WDR7: variants seen among roughly 807,000 people sequenced by gnomAD.
The protein encoded by WDR7 is WD repeat-containing protein 7.
Under a neutral mutation model 169.4 loss-of-function variants are expected in WDR7, and 46 were observed. The observed-to-expected ratio is 0.27, with a 90% CI of 0.21 to 0.35. The LOEUF is 0.35. Ranked by LOEUF, WDR7 falls within the 10% of genes least tolerant of loss-of-function variation. The probability of loss-of-function intolerance (pLI) is 1.00; values close to 1 mark genes in which losing one functional copy is unlikely to be tolerated. For synonymous variants in WDR7, 612 were observed against 666.8 expected, an observed-to-expected ratio of 0.92 and a Z score of 1.27; for missense variants, 1,534 against 1,859.3, an observed-to-expected ratio of 0.83 and a Z score of 3.22.
chr18:56,970,613 A>G (rs2047470560), intron 26 of WDR7, among the ~76,000 whole-genome samples: 1 of 152,136 alleles, frequency 6.6e-6, no homozygotes, highest in Non-Finnish European at 1.5e-5. Flanking sequence ...AGCCTCACCC[A>G]TGATCAGCAT....
chr18:56,943,565 A>G (rs1185553643), intron 25 of WDR7, among the ~76,000 whole-genome samples: 3 of 152,188 alleles, frequency 2.0e-5, no homozygotes, highest in East Asian at 3.8e-4. Context: ...TTATTTTTCC[A>G]TGGATCTCTC....
intron 17 of WDR7, among the ~76,000 whole-genome samples, chr18:56,779,020 C>G (rs536543985): frequency 6.6e-6 from 1 of 152,088 alleles, no homozygotes; most frequent in Non-Finnish European, 1.5e-5. Flanking sequence ...GTGACATGAA[C>G]CTATTTTTGG....
At chr18:56,980,347 C>T (rs567760739) in intron 26 of WDR7, among the ~76,000 whole-genome samples, 39 of 152,258 alleles carry the variant, frequency 2.6e-4, no homozygotes, top group African/African-American at 4.3e-4. Flanking sequence ...GCATACCAGA[C>T]GCTCTGGCAG....
chr18:56,934,747 A>T (rs2046935140), intron 22 of WDR7, among the ~76,000 whole-genome samples: 1 of 152,178 alleles, frequency 6.6e-6, no homozygotes, highest in African/African-American at 2.4e-5. Context: ...ACTTTTTGAG[A>T]ATTTTCAGTA....
chr18:57,016,440 G>GA (rs1049842509), intron 26 of WDR7, among the ~76,000 whole-genome samples: 14 of 150,352 alleles, frequency 9.3e-5, no homozygotes, highest in Admixed American at 2.6e-4. Context: ...CCCCCTTAAA[G>GA]AAAAAAAAAT....
chr18:56,821,818 T>TA (rs1457277429), intron 20 of WDR7, among the ~76,000 whole-genome samples: 1 of 151,488 alleles, frequency 6.6e-6, no homozygotes, highest in Non-Finnish European at 1.5e-5. Flanking sequence ...AACAGGGAGA[T>TA]ACCCTATCTC....
intron 19 of WDR7, among the ~76,000 whole-genome samples, chr18:56,802,436 CA>C: frequency 6.6e-6 from 1 of 151,960 alleles, no homozygotes; most frequent in Non-Finnish European, 1.5e-5. Flanking sequence ...CGACTCACTG[CA>C]AGCTCTGCCT....
chr18:56,854,759 A>C (rs977390446), intron 20 of WDR7, among the ~76,000 whole-genome samples: 11 of 152,202 alleles, frequency 7.2e-5, no homozygotes, highest in African/African-American at 2.4e-4. Flanking sequence ...GAATTTTTTC[A>C]TGACCAGCTC....
chr18:56,655,958 A>G (rs142437048), intron 1 of WDR7, among the ~76,000 whole-genome samples: 37 of 152,306 alleles, frequency 2.4e-4, no homozygotes, highest in African/African-American at 8.9e-4. Flanking sequence ...GTAGTATTCC[A>G]TGGTACGTAT....
At chr18:56,878,512 A>T (rs1599122785) in intron 20 of WDR7, among the ~76,000 whole-genome samples, 1 of 152,290 alleles carries the variant, frequency 6.6e-6, no homozygotes, top group Non-Finnish European at 1.5e-5. Flanking sequence ...TGTTAAATTA[A>T]TGGGCACATT....
intron 1 of WDR7, among the ~76,000 whole-genome samples, chr18:56,659,185 GA>G (rs550851334): frequency 0.056 from 1,222 of 21,878 alleles, 29 homozygotes; most frequent in African/African-American, 0.059. Flanking sequence ...TGTAGCTGGG[GA>G]AAAAAACAAT....
At chr18:56,881,389 A>T (rs1203048279) in intron 21 of WDR7, among the ~76,000 whole-genome samples, 3 of 152,036 alleles carry the variant, frequency 2.0e-5, no homozygotes, top group African/African-American at 7.2e-5. Context: ...TGTAAAGTGG[A>T]TCCCTCTTAT....
At position 56,681,321 on chromosome 18, in the gene WDR7, G is replaced by A. The variant is rs749978084; in HGVS notation, c.275G>A (p.Cys92Tyr). 11 of 1,592,778 alleles carry A rather than the reference G, an allele frequency of 6.9e-6. No homozygotes were observed. The highest frequency in any genetic ancestry group is 1.7e-4 in the Middle Eastern group (1 of 6,034). The change falls in exon 4 of 28, where the codon TGC becomes TAC. Residue 92 changes from cysteine (C) to tyrosine (Y), a missense_variant. Coordinates refer to ENST00000254442, the MANE Select transcript of WDR7 (RefSeq NM_015285.3). ...IVSASESGEM[C>Y]LWDVSDGRCI... ...ATTATTTTGTTTTATAGAGAGATGT[G>A]CCTCTGGGATGTGAGTGATGGCAGA... is the stretch of plus-strand genomic sequence containing the variant.
At position 56,857,186 on chromosome 18, in the gene WDR7, G is replaced by A. The variant is rs79589361; in HGVS notation, c.3305-22758G>A. Among the ~76,000 whole-genome samples the A allele has an allele frequency of 8.8e-3, 1,339 of 152,258 alleles. 24 individuals are homozygous for A. The highest frequency in any genetic ancestry group is 0.029 in the African/African-American group (1,212 of 41,532). On this transcript the variant is annotated intron_variant, in intron 20 of 27. Coordinates refer to ENST00000254442, the MANE Select transcript of WDR7 (RefSeq NM_015285.3). ...TAGAGTGGAAGGAAAGTAATAAATA[G>A]TGGTTTCTGATATAGTATTCTTCCT...
chr18:56,678,908 C>T, intron 2 of WDR7, among the ~76,000 whole-genome samples: 1 of 152,178 alleles, frequency 6.6e-6, no homozygotes, highest in East Asian at 1.9e-4. Context: ...CATCCTTTCC[C>T]TCACACAAAT....
chr18:56,986,677 T>G (rs1444897149), intron 26 of WDR7, among the ~76,000 whole-genome samples: 2 of 152,062 alleles, frequency 1.3e-5, no homozygotes, highest in Non-Finnish European at 2.9e-5. Context: ...CTCAGCTGAT[T>G]TACTTTCAGT....
intron 21 of WDR7, among the ~76,000 whole-genome samples, chr18:56,893,019 A>G (rs1031388185): frequency 6.6e-6 from 1 of 152,038 alleles, no homozygotes; most frequent in Non-Finnish European, 1.5e-5. Flanking sequence ...CTTTATAATA[A>G]TTTTTTGGTC....
chr18:56,879,006 C>G (rs144768177), intron 20 of WDR7, among the ~76,000 whole-genome samples: 1 of 152,188 alleles, frequency 6.6e-6, no homozygotes. Context: ...TACTTTTGCA[C>G]CAACCTAATA....
At chr18:56,847,448 G>A (rs909122265) in intron 20 of WDR7, among the ~76,000 whole-genome samples, 1 of 152,204 alleles carries the variant, frequency 6.6e-6, no homozygotes, top group Non-Finnish European at 1.5e-5. Context: ...AGCTAGCCAT[G>A]TGGCAGAGAA....
Sources: gnomAD v4.1 joint callset for allele counts (sites outside exome capture counted in the v4.1 genomes callset) on GRCh38, gnomAD v4.1.1 for gene constraint, MANE v1.5 for transcripts, NCBI Gene and HGNC (gene_info 2026-07-23, HGNC 2026-07-21) for gene names.